Variants in LYRM4 observed in about 807,000 individuals in gnomAD.
LYRM4 encodes the protein LYR motif containing 4.
Under a neutral mutation model 11.7 loss-of-function variants are expected in LYRM4, and 9 were observed. The ratio of observed to expected loss-of-function variants is 0.77; its 90% CI spans 0.46 to 1.34. The LOEUF (loss-of-function observed/expected upper bound fraction) is 1.34, where lower values mean the gene tolerates loss of function less well. LYRM4 is among the 40% of genes most tolerant of loss of function. LYRM4 has a pLI of 0.00. For missense variants in LYRM4, 133 were observed against 112.5 expected (o/e 1.18, Z -0.82); for synonymous variants, 42 against 40.4 (o/e 1.04, Z -0.15).
At chr6:5,174,515 G>A (rs1483436717) in intron 2 of LYRM4, among the ~76,000 whole-genome samples, 4 of 152,184 alleles carry the variant, frequency 2.6e-5, no homozygotes, top group Admixed American at 6.5e-5. Flanking sequence ...TACTCAGCGC[G>A]TCGCATCCTG....
In LYRM4 at chr6:5,162,500, A is replaced by G. The variant is rs949448544; in HGVS notation, c.208-53009T>C. 1.3e-4 allele frequency among the ~76,000 whole-genome samples: 19 copies of G among 142,444 alleles called. No homozygotes were observed. The East Asian group carries it at 1.6e-3, about 12-fold the overall frequency. 93.4% of individuals were successfully genotyped at this position (142,444 alleles called of 152,430 possible). Reference sequence around the variant, plus strand: ...GAGATGGAGCGACAGAGAGCGAGCGAGAGAGAGAGAGAGAGAGAGAGAAAG... The same window carrying G: ...GAGATGGAGCGACAGAGAGCGAGCGGGAGAGAGAGAGAGAGAGAGAGAAAG... On this transcript the variant is annotated intron_variant, in intron 2 of 2. Coordinates refer to ENST00000330636, the MANE Select transcript of LYRM4 (RefSeq NM_020408.6).
intron 1 of LYRM4, among the ~76,000 whole-genome samples, chr6:5,221,430 C>G (rs1036714055): frequency 5.9e-5 from 9 of 152,192 alleles, no homozygotes; most frequent in African/African-American, 2.2e-4. Flanking sequence ...TGCGGTGGCT[C>G]ATGCCTGTAA....
Position 5,149,466 on chromosome 6 carries a change from G to A in LYRM4, c.208-39975C>T, listed in dbSNP as rs147297627. Among the ~76,000 whole-genome samples, 859 of 152,290 alleles carry A rather than the reference G, an allele frequency of 5.6e-3. 5 individuals carry two copies. Among genetic ancestry groups the A allele is most frequent in the Middle Eastern group, 0.01 (3 of 294 alleles). On this transcript the variant is annotated intron_variant, in intron 2 of 2. Coordinates refer to ENST00000330636, the MANE Select transcript of LYRM4 (RefSeq NM_020408.6). ...GTTAACCAAGGTCAGATAGCATGTCGTAAAGCTGGGATTCAAACCTCTTTA... is the reference window on the plus strand; with the variant it reads ...GTTAACCAAGGTCAGATAGCATGTCATAAAGCTGGGATTCAAACCTCTTTA...
At chr6:5,142,103 C>T (rs1177778393) in intron 2 of LYRM4, among the ~76,000 whole-genome samples, 1 of 152,088 alleles carries the variant, frequency 6.6e-6, no homozygotes, top group Non-Finnish European at 1.5e-5. Context: ...AATGAATGGA[C>T]CCTCCTCTAC....
At chr6:5,047,838 A>G in the LYRM4 span, among the ~76,000 whole-genome samples, 3 of 152,248 alleles carry the variant, frequency 2.0e-5, no homozygotes, top group Non-Finnish European at 4.4e-5. Flanking sequence ...AGCATAAAAT[A>G]TCACAAAGTA....
At chr6:5,081,720 T>G in the LYRM4 span, among the ~76,000 whole-genome samples, 1 of 152,274 alleles carries the variant, frequency 6.6e-6, no homozygotes, top group East Asian at 1.9e-4. Context: ...CTTACATTGT[T>G]AGTGTTATTT....
At chr6:5,212,360 T>C (rs777737366) in intron 2 of LYRM4, among the ~76,000 whole-genome samples, 41 of 152,244 alleles carry the variant, frequency 2.7e-4, no homozygotes, top group Non-Finnish European at 5.9e-4. Context: ...GCTGCCTTTT[T>C]GCTGTTCCTG....
rs1472338496 is a variant in LYRM4, at chr6:5,208,678, C to T, written c.207+7940G>A. Among the ~76,000 whole-genome samples the T allele has an allele frequency of 3.3e-5, 5 of 152,206 alleles. No homozygotes were observed. The East Asian group carries it at 9.6e-4, about 29-fold the overall frequency. ...ATCTCCAACCAAATGAGAGACATTC[C>T]TTCCACAGGAACGCCAACTATGGGA... On this transcript the variant is annotated intron_variant, in intron 2 of 2. Coordinates refer to ENST00000330636, the MANE Select transcript of LYRM4 (RefSeq NM_020408.6).
intron 1 of LYRM4, among the ~76,000 whole-genome samples, chr6:5,229,381 C>G (rs1056405009): frequency 2.6e-5 from 4 of 152,158 alleles, no homozygotes; most frequent in African/African-American, 7.2e-5. Context: ...TGTCTTCCAG[C>G]TGTGGTTGAT....
At chr6:5,179,286 G>A (rs188215696) in intron 2 of LYRM4, among the ~76,000 whole-genome samples, 26 of 152,158 alleles carry the variant, frequency 1.7e-4, no homozygotes, top group African/African-American at 5.5e-4. Flanking sequence ...CTGCAATTAT[G>A]TGTAATTTCA....
At chr6:5,179,065 C>CAAAAAA (rs58749743) in intron 2 of LYRM4, among the ~76,000 whole-genome samples, 20 of 103,894 alleles carry the variant, frequency 1.9e-4, no homozygotes, top group African/African-American at 6.0e-4. Context: ...ACCAAAAAAA[C>CAAAAAA]AAAAAAAAAA....
At chr6:5,066,801 G>C in the LYRM4 span, 4 of 742,504 alleles carry the variant, frequency 5.4e-6, no homozygotes, top group Middle Eastern at 2.4e-4. Context: ...CACCCTCCTT[G>C]GTGAGTTCCT....
At chr6:5,076,627 G>C in the LYRM4 span, among the ~76,000 whole-genome samples, 2 of 152,212 alleles carry the variant, frequency 1.3e-5, no homozygotes, top group Non-Finnish European at 2.9e-5. Flanking sequence ...ATGGGGTTGG[G>C]ATGGTATCAC....
chr6:5,216,780 G>C, intron 1 of LYRM4, 42 bp from the exon 2 acceptor site: 1 of 1,586,312 alleles, frequency 6.3e-7, no homozygotes, highest in African/African-American at 1.4e-5. Flanking sequence ...GTGTCAGCGT[G>C]TCTGAGGCTA....
chr6:5,118,719 G>A (rs77495572), intron 2 of LYRM4, among the ~76,000 whole-genome samples: 1 of 152,018 alleles, frequency 6.6e-6, no homozygotes, highest in South Asian at 2.1e-4. Context: ...CAAAAAAAAA[G>A]CACACTGAAA....
At chr6:5,123,252 C>T (rs1314411789) in intron 2 of LYRM4, among the ~76,000 whole-genome samples, 6 of 152,166 alleles carry the variant, frequency 3.9e-5, no homozygotes, top group Non-Finnish European at 7.3e-5. Context: ...ACCCCAGCCT[C>T]GGGAAGGCAG....
the LYRM4 span, chr6:5,085,505 G>C: frequency 1.3e-6 from 2 of 1,536,882 alleles, no homozygotes; most frequent in Non-Finnish European, 1.7e-6. Context: ...ATAGGGGCGC[G>C]GCTAAGTTTG....
At chr6:5,145,914 C>T (rs1757694522) in intron 2 of LYRM4, among the ~76,000 whole-genome samples, 1 of 152,184 alleles carries the variant, frequency 6.6e-6, no homozygotes, top group Admixed American at 6.5e-5. Context: ...CCCCTTGGCT[C>T]TCTCTTCCCT....
chr6:5,050,674 A>G, the LYRM4 span, among the ~76,000 whole-genome samples: 1 of 152,224 alleles, frequency 6.6e-6, no homozygotes, highest in African/African-American at 2.4e-5. Flanking sequence ...AAAAGATCTG[A>G]GAAGACCTTA....
Sources: gnomAD v4.1 joint callset for allele counts (sites outside exome capture counted in the v4.1 genomes callset) on GRCh38, gnomAD v4.1.1 for gene constraint, MANE v1.5 for transcripts, NCBI Gene and HGNC (gene_info 2026-07-23, HGNC 2026-07-21) for gene names.